The following AFF1 variants were observed in gnomAD, a reference collection of about 807,000 sequenced individuals.
AFF1 encodes the protein ALF transcription elongation factor 1.
Under a neutral mutation model 121.7 loss-of-function variants are expected in AFF1, and 48 were observed. The ratio of observed to expected loss-of-function variants is 0.39; its 90% CI spans 0.31 to 0.50. The LOEUF (loss-of-function observed/expected upper bound fraction) is 0.50. Among genes scored for constraint, AFF1 ranks in the 20% least tolerant of loss-of-function variants. AFF1 has a pLI of 0.76. For missense variants in AFF1, 1,523 were observed against 1,511.7 expected, an observed-to-expected ratio of 1.01 and a Z score of -0.12; for synonymous variants, 613 against 563.0, an observed-to-expected ratio of 1.09 and a Z score of -1.26.
chr4:86,955,916 A>C (rs1360790168), intron 2 of AFF1, among the ~76,000 whole-genome samples: 1 of 152,242 alleles, frequency 6.6e-6, no homozygotes, highest in East Asian at 1.9e-4. Flanking sequence ...AATTGAGAAG[A>C]ATTCTCAATT....
intron 2 of AFF1, among the ~76,000 whole-genome samples, chr4:86,990,675 C>T (rs1724630193): frequency 6.6e-6 from 1 of 152,108 alleles, no homozygotes; most frequent in Non-Finnish European, 1.5e-5. Context: ...TATCAAAAAA[C>T]CAAAGGTTAA....
chr4:87,047,756 A>C (rs771441754), intron 4 of AFF1, 162 bp downstream of exon 4: 1 of 931,910 alleles, frequency 1.1e-6, no homozygotes, highest in Non-Finnish European at 1.7e-6. Flanking sequence ...CGAAAAACTC[A>C]GATCTGAGAT....
In AFF1 at chr4:86,961,918, G is replaced by A. The variant is rs1313778327; in HGVS notation, c.38+13347G>A. ...CGGCAGAGGCTTACTGTCCCCCGCA[G>A]AGCACTTGGTAAACGAGATATGAAA... On this transcript the variant is annotated intron_variant, in intron 2 of 20. Transcript: ENST00000395146. 5.3e-5 allele frequency among the ~76,000 whole-genome samples: 8 copies of A among 152,114 alleles called. No individual in the cohort carries two copies. The East Asian group carries it at 1.2e-3, about 22-fold the overall frequency.
intron 2 of AFF1, chr4:87,036,836 AT>A (rs745503805): frequency 1.1e-4 from 39 of 360,366 alleles, no homozygotes; most frequent in East Asian, 3.6e-4. Flanking sequence ...CCCCTCCCCC[AT>A]CCCCCCTTTT....
chr4:86,937,795 G>GGGGGTGGGGGT (rs1491425772), intron 1 of AFF1, among the ~76,000 whole-genome samples: 2 of 2,350 alleles, frequency 8.5e-4, no homozygotes, highest in Non-Finnish European at 0.062. Context: ...GGGTGGGGGT[G>GGGGGTGGGGGT]GGGGGCTCCC....
chr4:87,075,731 ACTT>A (rs368148238), intron 4 of AFF1, among the ~76,000 whole-genome samples: 24 of 152,340 alleles, frequency 1.6e-4, no homozygotes, highest in African/African-American at 5.3e-4. Context: ...ACAAGATAAT[ACTT>A]CTTTAAAATT....
chr4:87,139,807 C>T lies in AFF1; in HGVS notation c.*4106C>T. ...CAAGTGATATTGCCACCATGTGAACCTCAAATATGCAATCCAGTTGTGTTG... is the reference window on the plus strand; with the variant it reads ...CAAGTGATATTGCCACCATGTGAACTTCAAATATGCAATCCAGTTGTGTTG... On this transcript the variant is annotated 3_prime_UTR_variant, in exon 21 of 21. Coordinates refer to ENST00000395146, the MANE Select transcript of AFF1 (RefSeq NM_001166693.3). The T allele has an allele frequency of 4.4e-6, 1 of 225,536 alleles. No individual in the cohort carries two copies. Among genetic ancestry groups the T allele is most frequent in the Non-Finnish European group, 8.8e-6 (1 of 113,484 alleles). 14.0% of individuals were successfully genotyped at this position (225,536 alleles called of 1,614,324 possible). A position where few individuals can be genotyped will look rare whatever the true frequency, so the allele number is the denominator to read the frequency against.
At chr4:87,010,484 C>G (rs1726629623) in intron 2 of AFF1, among the ~76,000 whole-genome samples, 1 of 152,150 alleles carries the variant, frequency 6.6e-6, no homozygotes, top group South Asian at 2.1e-4. Context: ...TTGCAACAAA[C>G]TTGCTTTCTT....
In AFF1 at chr4:87,139,563, TGA is replaced by T. The variant is rs1729557494; in HGVS notation, c.*3866_*3867del. The T allele has an allele frequency of 4.3e-6, 1 of 230,662 alleles. No homozygotes were observed. Among genetic ancestry groups the T allele is most frequent in the Non-Finnish European group, 8.6e-6 (1 of 116,320 alleles). The allele number at this position is 230,662 out of a possible 1,614,324, so 14.3% of individuals were successfully genotyped here. On this transcript the variant is annotated 3_prime_UTR_variant, in exon 21 of 21. Transcript: ENST00000395146. ...AGTATAGATTTTTCTCACTGAAAAG[TGA>T]GAGTTACGCATTGCAGCCATGAAGG... is the stretch of plus-strand genomic sequence containing the variant.
chr4:87,059,661 T>C (rs1720527701), intron 4 of AFF1, among the ~76,000 whole-genome samples: 1 of 152,202 alleles, frequency 6.6e-6, no homozygotes. Flanking sequence ...ATGTGTCCAT[T>C]TGTCTTCTTG....
At chr4:86,942,890 C>G (rs1720569876) in intron 1 of AFF1, among the ~76,000 whole-genome samples, 1 of 152,240 alleles carries the variant, frequency 6.6e-6, no homozygotes, top group South Asian at 2.1e-4. Flanking sequence ...AGTAGCCACC[C>G]TCTTCTAGAC....
At position 87,014,831 on chromosome 4, in the gene AFF1, C is replaced by T. The variant is rs1727143396; in HGVS notation, c.39-31335C>T. ...AAAATACAGGTGTATCTGATTTACT[C>T]TGGACTTGAATTTATGGAAAGTGGT... On this transcript the variant is annotated intron_variant, in intron 2 of 20. Coordinates refer to ENST00000395146, the MANE Select transcript of AFF1 (RefSeq NM_001166693.3). Among the ~76,000 whole-genome samples, 3 of 152,184 alleles carry T rather than the reference C, an allele frequency of 2.0e-5. No homozygotes were observed. In the South Asian group the frequency reaches 6.2e-4, roughly 32 times the overall value.
In AFF1 at chr4:87,067,912, C is replaced by T. The variant is rs192545936; in HGVS notation, c.1060-16208C>T. Among the ~76,000 whole-genome samples, 24 of 152,256 alleles carry T rather than the reference C, an allele frequency of 1.6e-4. No homozygotes were observed. The East Asian group carries it at 4.4e-3, about 28-fold the overall frequency. On this transcript the variant is annotated intron_variant, in intron 4 of 20. Coordinates refer to ENST00000395146, the MANE Select transcript of AFF1 (RefSeq NM_001166693.3). ...ATTACTCGGATTTTTATTTCTCTATCAGTGTGCTAGATAAAAAGTAAAGTT... is the reference window on the plus strand; with the variant it reads ...ATTACTCGGATTTTTATTTCTCTATTAGTGTGCTAGATAAAAAGTAAAGTT...
chr4:87,046,909 C>G lies in AFF1; in HGVS notation c.374C>G (p.Thr125Ser). 3.1e-6 allele frequency: 5 copies of G among 1,614,234 alleles called. No individual in the cohort carries two copies. Among genetic ancestry groups the G allele is most frequent in the Non-Finnish European group, 4.2e-6 (5 of 1,180,048 alleles). ...AGTGTCCACCACCAGTCCATTCACA[C>G]TCCTGCGTCTGGACCACTTTCTGTT... ...HTSVHHQSIH[T>S]PASGPLSVGN... The change falls in exon 4 of 21, where the codon ACT (threonine) becomes AGT (serine). Residue 125 changes from threonine to serine, a missense_variant. This residue lies in a region of AFF1 where 369 missense variants were observed against 367.2 expected (regional missense o/e 1.00). Transcript: ENST00000395146.
chr4:87,060,312 G>A (rs918815096), intron 4 of AFF1, among the ~76,000 whole-genome samples: 3 of 152,052 alleles, frequency 2.0e-5, no homozygotes, highest in African/African-American at 7.2e-5. Context: ...TCATATATAG[G>A]TGCTTTCTTT....
chr4:87,047,476 C>A lies in AFF1; in HGVS notation c.941C>A (p.Ser314Tyr), dbSNP rs763246517. Residue 314 changes from serine (S) to tyrosine (Y), a missense_variant, in exon 4 of 21, where the codon TCC (serine) becomes TAC (tyrosine). By Grantham distance (144) the Ser-to-Tyr change is moderately radical. Coordinates refer to ENST00000395146, the MANE Select transcript of AFF1 (RefSeq NM_001166693.3). Reference protein sequence around the residue: ...MDGQDQAPSESPELKPLPEDY... With the variant: ...MDGQDQAPSEYPELKPLPEDY... ...GGTCAAGATCAGGCCCCTAGTGAAT[C>A]CCCTGAACTGAAACCACTGCCGGAG... 6.2e-7 allele frequency: 1 copy of A among 1,614,214 alleles called. No homozygotes were observed. The highest frequency in any genetic ancestry group is 1.7e-5 in the Admixed American group (1 of 60,034).
Position 87,115,625 on chromosome 4 carries a change from T to TTTTTTTTTTTTTTTTTC in AFF1, c.2466+326_2466+327insTTTTTTTTTTTTTTTTC, listed in dbSNP as rs397994396. ...AACCCACCTCTTTTTTTTTTTTTTT[T>TTTTTTTTTTTTTTTTTC]CCAAAGACAGGCCCTTGCTCTGTTG... On this transcript the variant is annotated intron_variant, in intron 12 of 20. Transcript: ENST00000395146. 3.7e-3 allele frequency among the ~76,000 whole-genome samples: 385 copies of TTTTTTTTTTTTTTTTTC among 102,918 alleles called. 73 individuals carry two copies. The highest frequency in any genetic ancestry group is 0.017 in the East Asian group (46 of 2,756). The allele number at this position is 102,918 out of a possible 152,430, so 67.5% of individuals were successfully genotyped here.
chr4:87,022,710 ATC>A (rs1728134579), intron 2 of AFF1, among the ~76,000 whole-genome samples: 1 of 139,130 alleles, frequency 7.2e-6, no homozygotes, highest in Non-Finnish European at 1.5e-5. Flanking sequence ...GTATATATAT[ATC>A]TGTGTGTATA....
At chr4:87,097,357 A>G (rs1442419013) in intron 8 of AFF1, among the ~76,000 whole-genome samples, 1 of 152,212 alleles carries the variant, frequency 6.6e-6, no homozygotes, top group Non-Finnish European at 1.5e-5. Context: ...CAGACTGAGC[A>G]GGCAAAAGTC....
Sources: gnomAD v4.1 joint callset for allele counts (sites outside exome capture counted in the v4.1 genomes callset) on GRCh38, gnomAD v4.1.1 for gene constraint, gnomAD v4.1.1 regional missense constraint, MANE v1.5 for transcripts, NCBI Gene and HGNC (gene_info 2026-07-23, HGNC 2026-07-21) for gene names.